The following CTXND1 variants were observed in gnomAD, a reference collection of about 807,000 sequenced individuals.
CTXND1 encodes the protein cortexin domain-containing 1 protein.
chr15:80,221,344 A>T (rs1893316399), intron 1 of CTXND1, among the ~76,000 whole-genome samples: 1 of 152,228 alleles, frequency 6.6e-6, no homozygotes, highest in Non-Finnish European at 1.5e-5. Context: ...CAAGTGAAAT[A>T]GTGAATAGTA....
At chr15:80,238,585 C>G (rs61392960) in intron 1 of CTXND1, among the ~76,000 whole-genome samples, 1 of 151,338 alleles carries the variant, frequency 6.6e-6, no homozygotes, top group Admixed American at 6.6e-5. Flanking sequence ...CCCAGGTTCA[C>G]GCCATTCTCC....
At chr15:80,221,057 C>T (rs1021614890) in intron 1 of CTXND1, among the ~76,000 whole-genome samples, 17 of 151,910 alleles carry the variant, frequency 1.1e-4, no homozygotes, top group Middle Eastern at 3.4e-3. Context: ...TACAGGCACC[C>T]GCCACCACGC....
rs1226364406 is a variant in CTXND1 at position 80,201,161 on chromosome 15, TTATAACAGGAAAAATATATCCCTC to T, written c.*585_*608del. On this transcript the variant is annotated 3_prime_UTR_variant, in exon 3 of 3. Transcript: ENST00000560778. ...CAAGTTTCTAAAATGTACATTTTAT[TTATAACAGGAAAAATATATCCCTC>T]TATATTTTAGTTTAAAAAAATACTG... 6.6e-6 allele frequency: 1 copy of T among 152,242 alleles called. No homozygotes were observed. Among genetic ancestry groups the T allele is most frequent in the Non-Finnish European group, 1.5e-5 (1 of 68,044 alleles). 9.4% of individuals were successfully genotyped at this position (152,242 alleles called of 1,614,324 possible).
At chr15:80,242,982 G>T (rs894306578) in intron 1 of CTXND1, among the ~76,000 whole-genome samples, 6 of 152,200 alleles carry the variant, frequency 3.9e-5, no homozygotes, top group African/African-American at 1.4e-4. Context: ...TGCACAGGCA[G>T]GTCAGGAGGC....
chr15:80,217,649 C>T (rs1893268295), intron 1 of CTXND1, among the ~76,000 whole-genome samples: 1 of 151,848 alleles, frequency 6.6e-6, no homozygotes, highest in South Asian at 2.1e-4. Flanking sequence ...TGTGTTCAAG[C>T]CATCCTCCCA....
At chr15:80,209,568 C>T (rs1234331479) in intron 1 of CTXND1, among the ~76,000 whole-genome samples, 1 of 152,178 alleles carries the variant, frequency 6.6e-6, no homozygotes, top group African/African-American at 2.4e-5. Context: ...GTGTACTTGT[C>T]AAAGCGTGAA....
At position 80,198,688 on chromosome 15, in the gene CTXND1, G is replaced by A. The variant is rs1342080771; in HGVS notation, c.*3082C>T. ...GCTCCATGTGTCTCTTAAATGGAGA[G>A]AGTGTACTGTAAGTATTTATTCTCC... is the stretch of plus-strand genomic sequence containing the variant. On this transcript the variant is annotated 3_prime_UTR_variant, in exon 3 of 3. Coordinates refer to ENST00000560778, the MANE Select transcript of CTXND1 (RefSeq NM_001352888.2). The A allele has an allele frequency of 1.3e-5, 2 of 152,188 alleles. No homozygotes were observed. The highest frequency in any genetic ancestry group is 1.5e-5 in the Non-Finnish European group (1 of 68,048). The allele number at this position is 152,188 out of a possible 1,614,324, so 9.4% of individuals were successfully genotyped here.
Position 80,199,340 on chromosome 15 carries a change from CTTCAACCACAGT to C in CTXND1, c.*2418_*2429del, listed in dbSNP as rs1183319155. ...TCAAGTATTGCAGAGGCTGTTTGTC[CTTCAACCACAGT>C]TTAAGTTGCACTGCCCTGGAGCACC... On this transcript the variant is annotated 3_prime_UTR_variant, in exon 3 of 3. Coordinates refer to ENST00000560778, the MANE Select transcript of CTXND1 (RefSeq NM_001352888.2). 9.2e-5 allele frequency: 14 copies of C among 152,232 alleles called. No individual in the cohort carries two copies. The highest frequency in any genetic ancestry group is 2.9e-4 in the African/African-American group (12 of 41,462). 9.4% of individuals were successfully genotyped at this position (152,232 alleles called of 1,614,324 possible).
intron 1 of CTXND1, among the ~76,000 whole-genome samples, chr15:80,247,868 C>T (rs1395258458): frequency 6.6e-6 from 1 of 152,128 alleles, no homozygotes; most frequent in Non-Finnish European, 1.5e-5. Flanking sequence ...TGACTATCAC[C>T]GCACAATTCT....
chr15:80,206,330 C>T (rs921224855), intron 1 of CTXND1, among the ~76,000 whole-genome samples: 5 of 152,114 alleles, frequency 3.3e-5, no homozygotes, highest in African/African-American at 1.2e-4. Flanking sequence ...ACCCTTGTAG[C>T]ACTCAGAGTA....
At chr15:80,214,312 T>G (rs966793569) in intron 1 of CTXND1, among the ~76,000 whole-genome samples, 2 of 152,156 alleles carry the variant, frequency 1.3e-5, no homozygotes, top group Non-Finnish European at 2.9e-5. Flanking sequence ...TATTCAAAAT[T>G]TGAATAATAC....
intron 1 of CTXND1, among the ~76,000 whole-genome samples, chr15:80,218,349 A>C (rs1893275554): frequency 6.6e-6 from 1 of 152,144 alleles, no homozygotes; most frequent in South Asian, 2.1e-4. Flanking sequence ...TATGTTGCCT[A>C]GGCTGGTCTC....
intron 1 of CTXND1, among the ~76,000 whole-genome samples, chr15:80,213,750 G>C (rs1415803097): frequency 7.2e-5 from 11 of 152,180 alleles, no homozygotes; most frequent in Non-Finnish European, 1.2e-4. Flanking sequence ...TGAGGACGAG[G>C]AGCAACATCT....
chr15:80,221,092 G>A (rs1264274097), intron 1 of CTXND1, among the ~76,000 whole-genome samples: 1 of 151,900 alleles, frequency 6.6e-6, no homozygotes, highest in African/African-American at 2.4e-5. Flanking sequence ...TGTATTTTTA[G>A]TAGAGACGGG....
chr15:80,218,363 C>T (rs1372828231), intron 1 of CTXND1, among the ~76,000 whole-genome samples: 1 of 152,126 alleles, frequency 6.6e-6, no homozygotes, highest in Non-Finnish European at 1.5e-5. Flanking sequence ...TGGTCTCAAA[C>T]TTCTGACCTC....
intron 1 of CTXND1, among the ~76,000 whole-genome samples, chr15:80,216,349 C>T (rs754182779): frequency 3.3e-5 from 5 of 152,162 alleles, no homozygotes; most frequent in Non-Finnish European, 5.9e-5. Flanking sequence ...AACTGACATA[C>T]GCTCAAAGTT....
At chr15:80,218,897 A>AAT (rs1893282685) in intron 1 of CTXND1, among the ~76,000 whole-genome samples, 1 of 151,676 alleles carries the variant, frequency 6.6e-6, no homozygotes, top group African/African-American at 2.4e-5. Context: ...ATATAAGAAG[A>AAT]ATATATTCAT....
rs960662466 is a variant in CTXND1 at position 80,233,955 on chromosome 15, C to A, written c.-218+18052G>T. On this transcript the variant is annotated intron_variant, in intron 1 of 2. Coordinates refer to ENST00000560778, the MANE Select transcript of CTXND1 (RefSeq NM_001352888.2). ...AAGCATGCAGGAATGGGGTCACCAC[C>A]ATGGGGTTCCCTGCCTACCTCCTCC... 9.8e-5 allele frequency among the ~76,000 whole-genome samples: 15 copies of A among 152,288 alleles called. 2 individuals are homozygous for A. Among genetic ancestry groups the A allele is most frequent in the Admixed American group, 7.2e-4 (11 of 15,290 alleles).
At chr15:80,216,838 C>T (rs543447605) in intron 1 of CTXND1, among the ~76,000 whole-genome samples, 1 of 152,256 alleles carries the variant, frequency 6.6e-6, no homozygotes, top group South Asian at 2.1e-4. Context: ...TGGTCTCGAA[C>T]TCCTGACCTC....
Sources: gnomAD v4.1 joint callset for allele counts (sites outside exome capture counted in the v4.1 genomes callset) on GRCh38, gnomAD v4.1.1 for gene constraint, MANE v1.5 for transcripts, NCBI Gene and HGNC (gene_info 2026-07-23, HGNC 2026-07-21) for gene names.